CTNNA1: variants seen among roughly 807,000 people sequenced by gnomAD.
CTNNA1 encodes the protein catenin alpha-1.
CTNNA1 carries 37 observed loss-of-function variants against 98.4 expected under a neutral mutation model. The ratio of observed to expected loss-of-function variants is 0.38; its 90% CI spans 0.29 to 0.49. CTNNA1 has a LOEUF of 0.49. Ranked by LOEUF, CTNNA1 falls within the 20% of genes least tolerant of loss-of-function variation. CTNNA1 has a pLI of 0.95. For synonymous variants in CTNNA1, 404 were observed against 413.2 expected, an observed-to-expected ratio of 0.98 and a Z score of 0.27; for missense variants, 761 against 1,147.2, an observed-to-expected ratio of 0.66 and a Z score of 4.86.
At chr5:138,902,905 T>C (rs1561696124) in intron 9 of CTNNA1, among the ~76,000 whole-genome samples, 1 of 152,194 alleles carries the variant, frequency 6.6e-6, no homozygotes, top group Non-Finnish European at 1.5e-5. Flanking sequence ...TTTTAAGTCT[T>C]ACATTTTACA....
chr5:138,778,626 C>T (rs1220523297), intron 1 of CTNNA1, among the ~76,000 whole-genome samples: 1 of 152,132 alleles, frequency 6.6e-6, no homozygotes, highest in Non-Finnish European at 1.5e-5. Flanking sequence ...TGCTAATCTA[C>T]TTGGTTAGCA....
At chr5:138,761,425 C>T (rs761247941) in intron 1 of CTNNA1, among the ~76,000 whole-genome samples, 31 of 152,058 alleles carry the variant, frequency 2.0e-4, no homozygotes, top group African/African-American at 5.8e-4. Context: ...TTAGTAGAGA[C>T]GGGGTTTCAC....
At chr5:138,833,176 A>G (rs546080191) in intron 7 of CTNNA1, among the ~76,000 whole-genome samples, 11 of 152,266 alleles carry the variant, frequency 7.2e-5, no homozygotes, top group African/African-American at 2.4e-4. Context: ...AACATAAAGG[A>G]CCCTCAGTCT....
intron 5 of CTNNA1, among the ~76,000 whole-genome samples, chr5:138,818,868 C>T (rs1759724136): frequency 1.3e-5 from 2 of 152,090 alleles, no homozygotes; most frequent in African/African-American, 4.8e-5. Flanking sequence ...GGGTCCCAGG[C>T]TCAGGGTTTT....
chr5:138,796,276 G>T (rs1030351336), intron 3 of CTNNA1, among the ~76,000 whole-genome samples: 3 of 152,192 alleles, frequency 2.0e-5, no homozygotes, highest in African/African-American at 7.2e-5. Context: ...GTATGTATCG[G>T]CTGGGTGCGG....
At chr5:138,781,513 C>G (rs1755105331) in intron 1 of CTNNA1, among the ~76,000 whole-genome samples, 1 of 150,004 alleles carries the variant, frequency 6.7e-6, no homozygotes, top group Non-Finnish European at 1.5e-5. Flanking sequence ...CTGAGATCCA[C>G]CACTGCCCTC....
At chr5:138,821,670 T>A (rs1342827224) in intron 5 of CTNNA1, among the ~76,000 whole-genome samples, 2 of 152,198 alleles carry the variant, frequency 1.3e-5, no homozygotes, top group African/African-American at 4.8e-5. Flanking sequence ...TGCTTAGAAG[T>A]TAGTTTCTAT....
chr5:138,840,330 C>T (rs1762166990), intron 7 of CTNNA1, among the ~76,000 whole-genome samples: 1 of 152,214 alleles, frequency 6.6e-6, no homozygotes, highest in Admixed American at 6.5e-5. Context: ...TCTCCATTTC[C>T]AGTCTGCATG....
chr5:138,766,861 G>A (rs143001548), intron 1 of CTNNA1, among the ~76,000 whole-genome samples: 196 of 152,176 alleles, frequency 1.3e-3, no homozygotes, highest in African/African-American at 4.3e-3. Flanking sequence ...CTGTGGTAAC[G>A]GGAAGAGGTG....
chr5:138,892,108 G>T (rs1755501563), intron 9 of CTNNA1, among the ~76,000 whole-genome samples: 1 of 152,078 alleles, frequency 6.6e-6, no homozygotes, highest in Admixed American at 6.5e-5. Flanking sequence ...GATGTCTCAT[G>T]ATTCCCTAAA....
intron 3 of CTNNA1, 120 bp from the exon 4 acceptor site, chr5:138,809,918 C>T: frequency 7.6e-7 from 1 of 1,311,952 alleles, no homozygotes; most frequent in Non-Finnish European, 1.0e-6. Flanking sequence ...AAAATGAAAA[C>T]TCTTAAACTA....
intron 7 of CTNNA1, among the ~76,000 whole-genome samples, chr5:138,879,905 G>A (rs1413936032): frequency 6.6e-6 from 1 of 152,174 alleles, no homozygotes; most frequent in Non-Finnish European, 1.5e-5. Context: ...TCTAGTTTTG[G>A]ATACATGTGC....
chr5:138,804,778 A>G (rs546979242), intron 3 of CTNNA1, among the ~76,000 whole-genome samples: 10 of 152,288 alleles, frequency 6.6e-5, no homozygotes, highest in Non-Finnish European at 1.0e-4. Context: ...GTAGCTATGT[A>G]TTAGGTTGGT....
chr5:138,864,526 G>T (rs993608809), intron 7 of CTNNA1, among the ~76,000 whole-genome samples: 2 of 152,124 alleles, frequency 1.3e-5, no homozygotes, highest in African/African-American at 4.8e-5. Flanking sequence ...GAGAAGAAGG[G>T]TAGTTTTTGG....
intron 10 of CTNNA1, among the ~76,000 whole-genome samples, chr5:138,910,013 G>A (rs1760198031): frequency 1.3e-5 from 2 of 152,100 alleles, no homozygotes; most frequent in Admixed American, 1.3e-4. Context: ...TTACAAAGCA[G>A]TTTCACAGAG....
chr5:138,866,474 G>T (rs1408215384), intron 7 of CTNNA1, among the ~76,000 whole-genome samples: 1 of 151,990 alleles, frequency 6.6e-6, no homozygotes, highest in Non-Finnish European at 1.5e-5. Context: ...CTATAAAAAG[G>T]CTTTGGCAAT....
chr5:138,824,466 A>AT, intron 5 of CTNNA1, 64 bp from the exon 6 acceptor site: 1 of 1,538,592 alleles, frequency 6.5e-7, no homozygotes, highest in Non-Finnish European at 8.8e-7. Context: ...TTACCAGCAA[A>AT]TTTTTATATG....
intron 1 of CTNNA1, chr5:138,754,501 G>A (rs917637553): frequency 6.6e-6 from 1 of 152,156 alleles, no homozygotes; most frequent in African/African-American, 2.4e-5. Context: ...TCAAGTCTAC[G>A]ACTAAATTCG....
chr5:138,878,960 C>T (rs1752257775), intron 7 of CTNNA1, among the ~76,000 whole-genome samples: 1 of 151,798 alleles, frequency 6.6e-6, no homozygotes, highest in Admixed American at 6.6e-5. Flanking sequence ...GCCTGTAATC[C>T]CAGCACTTTA....
Sources: gnomAD v4.1 joint callset for allele counts (sites outside exome capture counted in the v4.1 genomes callset) on GRCh38, gnomAD v4.1.1 for gene constraint, MANE v1.5 for transcripts, NCBI Gene and HGNC (gene_info 2026-07-23, HGNC 2026-07-21) for gene names.